The following INTS6L variants were observed in gnomAD, a reference collection of about 807,000 sequenced individuals.
The protein encoded by INTS6L is integrator complex subunit 6 like.
Under a neutral mutation model 64.7 loss-of-function variants are expected in INTS6L, and 18 were observed. The observed-to-expected ratio is 0.28, with a 90% CI of 0.19 to 0.41. The LOEUF is 0.41. Ranked by LOEUF, INTS6L falls within the 10% of genes least tolerant of loss-of-function variation. INTS6L has a pLI of 1.00. For missense variants in INTS6L, 533 were observed against 661.0 expected (o/e 0.81, Z 2.12); for synonymous variants, 227 against 235.9 (o/e 0.96, Z 0.34).
At chrX:135,559,200 G>T (rs2086720036) in intron 9 of INTS6L, among the ~76,000 whole-genome samples, 1 of 111,855 alleles carries the variant, frequency 8.9e-6, no homozygotes, top group Admixed American at 9.5e-5. Flanking sequence ...TATCACAATT[G>T]TGATATTAAC....
intron 2 of INTS6L, among the ~76,000 whole-genome samples, chrX:135,543,644 T>G (rs183790923): frequency 2.7e-5 from 3 of 112,041 alleles, no homozygotes; most frequent in Admixed American, 9.4e-5. Context: ...CAGTAAAAAA[T>G]CTGTTGAATA....
chrX:135,536,030 T>G (rs1235272414), intron 2 of INTS6L, among the ~76,000 whole-genome samples: 1 of 112,362 alleles, frequency 8.9e-6, no homozygotes, highest in Admixed American at 9.4e-5. Flanking sequence ...GCTAGGAAGA[T>G]TTGGACTGGA....
chrX:135,535,181 G>A (rs1556508114), intron 2 of INTS6L, among the ~76,000 whole-genome samples: 1 of 111,317 alleles, frequency 9.0e-6, no homozygotes, highest in Non-Finnish European at 1.9e-5. Context: ...TTTAGGGGAG[G>A]TACAAGAAGG....
intron 17 of INTS6L, 108 bp downstream of exon 17, chrX:135,581,251 C>G (rs1556534361): frequency 1.7e-6 from 1 of 587,128 alleles, no homozygotes; most frequent in African/African-American, 2.4e-5. Flanking sequence ...TTTCTCAAAC[C>G]CTGGCCCTCA....
chrX:135,568,153 G>C (rs2086999666), intron 9 of INTS6L, among the ~76,000 whole-genome samples: 1 of 111,196 alleles, frequency 9.0e-6, no homozygotes, highest in African/African-American at 3.3e-5. Context: ...TATTGTATTA[G>C]AAAAATGTTT....
intron 6 of INTS6L, among the ~76,000 whole-genome samples, chrX:135,548,958 C>T (rs781809368): frequency 3.6e-5 from 4 of 111,771 alleles, no homozygotes; most frequent in African/African-American, 3.3e-5. Context: ...ATACATTATT[C>T]AGCATTATAC....
At chrX:135,570,799 T>C (rs1055301225) in intron 11 of INTS6L, 4 of 304,468 alleles carry the variant, frequency 1.3e-5, no homozygotes, top group African/African-American at 2.7e-5. Flanking sequence ...CTGGTTGATA[T>C]GGGGCAGAGG....
chrX:135,549,908 A>G, intron 7 of INTS6L, 103 bp downstream of exon 7: 1 of 915,072 alleles, frequency 1.1e-6, no homozygotes, highest in African/African-American at 2.0e-5. Context: ...GCCATGCCAC[A>G]GGCAAGTAAG....
At chrX:135,533,445 C>T (rs1302773416) in intron 2 of INTS6L, among the ~76,000 whole-genome samples, 1 of 111,469 alleles carries the variant, frequency 9.0e-6, no homozygotes, top group Non-Finnish European at 1.9e-5. Flanking sequence ...GCAAAATGTG[C>T]AGGTTTGTTA....
In INTS6L at chrX:135,573,523, G is replaced by A. The variant is rs144844343; in HGVS notation, c.1618-416G>A. 1.5e-3 allele frequency among the ~76,000 whole-genome samples: 173 copies of A among 112,670 alleles called. 1 individual carries two copies. In the South Asian group the frequency reaches 0.019, roughly 12 times the overall value. On this transcript the variant is annotated intron_variant, in intron 12 of 17. Transcript: ENST00000639893. The stretch of plus-strand genomic sequence containing the variant: ...CATGGCCTCAGCTCAGTGCTGCAGC[G>A]GATCCCTATGGCACCACAGCAGCGG...
intron 6 of INTS6L, 142 bp downstream of exon 6, chrX:135,547,407 C>T (rs1373856215): frequency 3.0e-6 from 2 of 659,819 alleles, no homozygotes; most frequent in Non-Finnish European, 4.5e-6. Flanking sequence ...ACCACACATT[C>T]ACTGCCTATG....
chrX:135,529,071 G>A (rs946214155), intron 2 of INTS6L, among the ~76,000 whole-genome samples: 17 of 111,554 alleles, frequency 1.5e-4, no homozygotes, highest in African/African-American at 5.5e-4. Context: ...GTCTTTTCCT[G>A]GGCTAAGTAT....
Position 135,546,793 on chromosome X carries a change from G to T in INTS6L, c.521G>T (p.Arg174Leu), listed in dbSNP as rs782637201. The T allele has an allele frequency of 8.3e-7, 1 of 1,211,572 alleles. No individual in the cohort carries two copies. The highest frequency in any genetic ancestry group is 1.8e-5 in the South Asian group (1 of 56,957). Residue 174 changes from arginine to leucine, a missense_variant, in exon 5 of 18, where the codon CGT becomes CTT. Arg to Leu is a moderately radical substitution (Grantham distance 102). Transcript: ENST00000639893. ...WDQRLFALVLRLPGVASTEPE... is the reference protein window; with the variant it reads ...WDQRLFALVLLLPGVASTEPE... ...CAAAGGTTATTTGCCCTGGTGTTGCGTTTGCCTGGAGTGGCTTCTACCGAA... is the reference window on the plus strand; with the variant it reads ...CAAAGGTTATTTGCCCTGGTGTTGCTTTTGCCTGGAGTGGCTTCTACCGAA...
At chrX:135,578,224 A>G (rs2087282758) in intron 15 of INTS6L, among the ~76,000 whole-genome samples, 1 of 111,611 alleles carries the variant, frequency 9.0e-6, no homozygotes. Context: ...TCTAGAATAT[A>G]AATTGCTCCT....
chrX:135,521,757 C>G (rs2085570185), intron 2 of INTS6L, among the ~76,000 whole-genome samples: 1 of 197 alleles, frequency 5.1e-3, no homozygotes, highest in African/African-American at 0.022. Context: ...AGGGTCGCCG[C>G]GCGGGGGGCC....
chrX:135,575,306 A>C, intron 14 of INTS6L, 80 bp downstream of exon 14: 1 of 1,070,112 alleles, frequency 9.3e-7, no homozygotes, highest in Admixed American at 2.9e-5. Context: ...AGATAAATAC[A>C]AATCAGAGGT....
chrX:135,551,914 G>T (rs192036791), intron 7 of INTS6L, 80 bp from the exon 8 acceptor site: 1 of 900,234 alleles, frequency 1.1e-6, no homozygotes. Context: ...AATATAAAAC[G>T]ACTTGCAGAA....
chrX:135,527,991 C>T (rs1261384472), intron 2 of INTS6L, among the ~76,000 whole-genome samples: 7 of 111,388 alleles, frequency 6.3e-5, no homozygotes, highest in Admixed American at 5.7e-4. Flanking sequence ...ATAGTGGTTC[C>T]ACATCTCAGG....
chrX:135,574,082 C>CTTTT lies in INTS6L; in HGVS notation c.1741+32_1741+35dup. On this transcript the variant is annotated intron_variant, in intron 13 of 17. Transcript: ENST00000639893. ...ATGAAGGTAAAATAACTGTGAAATA[C>CTTTT]TTTTTTTTTTTTTTTGGAAAATGCC... is the stretch of plus-strand genomic sequence containing the variant. The CTTTT allele has an allele frequency of 9.6e-7, 1 of 1,044,587 alleles. No individual in the cohort carries two copies. Among genetic ancestry groups the CTTTT allele is most frequent in the Non-Finnish European group, 1.3e-6 (1 of 789,353 alleles). 86.1% of individuals were successfully genotyped at this position (1,044,587 alleles called of 1,213,427 possible).
Sources: gnomAD v4.1 joint callset for allele counts (sites outside exome capture counted in the v4.1 genomes callset) on GRCh38, gnomAD v4.1.1 for gene constraint, MANE v1.5 for transcripts, NCBI Gene and HGNC (gene_info 2026-07-23, HGNC 2026-07-21) for gene names.